IL1RAPL2: variants seen among roughly 807,000 people sequenced by gnomAD.
IL1RAPL2 encodes the protein X-linked interleukin-1 receptor accessory protein-like 2.
In IL1RAPL2, 3 loss-of-function variants were observed where a neutral mutation model predicts 44.1. That is an observed-to-expected ratio of 0.07 (90% CI 0.03 to 0.18). The LOEUF (loss-of-function observed/expected upper bound fraction) is 0.18. IL1RAPL2 is among the 10% of genes least tolerant of loss of function. IL1RAPL2 has a pLI of 1.00. For synonymous variants in IL1RAPL2, 181 were observed against 178.8 expected, an observed-to-expected ratio of 1.01 and a Z score of -0.10; for missense variants, 391 against 496.4, an observed-to-expected ratio of 0.79 and a Z score of 2.02.
chrX:105,085,121 G>T (rs1167220414), intron 2 of IL1RAPL2, among the ~76,000 whole-genome samples: 1 of 111,863 alleles, frequency 8.9e-6, no homozygotes, highest in Non-Finnish European at 1.9e-5. Context: ...TTACAGGCTT[G>T]GGCAGTATCT....
At chrX:105,632,320 A>G (rs894918325) in intron 6 of IL1RAPL2, among the ~76,000 whole-genome samples, 16 of 111,903 alleles carry the variant, frequency 1.4e-4, no homozygotes, top group African/African-American at 4.9e-4. Context: ...CTAGGCTTCC[A>G]TATGTTTCTG....
At chrX:105,663,189 T>G (rs899053272) in intron 6 of IL1RAPL2, among the ~76,000 whole-genome samples, 1 of 111,885 alleles carries the variant, frequency 8.9e-6, no homozygotes, top group Non-Finnish European at 1.9e-5. Context: ...ATGAATTGCT[T>G]AACCTAGAAA....
At chrX:105,161,861 G>A (rs1279377588) in intron 2 of IL1RAPL2, among the ~76,000 whole-genome samples, 4 of 111,907 alleles carry the variant, frequency 3.6e-5, no homozygotes, top group Admixed American at 9.5e-5. Flanking sequence ...TTTAGTTACT[G>A]GATGGCATAA....
At chrX:104,639,034 C>T (rs2148015390) in intron 1 of IL1RAPL2, among the ~76,000 whole-genome samples, 1 of 112,072 alleles carries the variant, frequency 8.9e-6, no homozygotes, top group South Asian at 3.7e-4. Flanking sequence ...TCTGGGTACC[C>T]CAATGTTAGG....
chrX:105,727,094 T>A (rs1190023193), intron 7 of IL1RAPL2, among the ~76,000 whole-genome samples: 1 of 111,247 alleles, frequency 9.0e-6, no homozygotes, highest in Non-Finnish European at 1.9e-5. Context: ...TCCTGGACAA[T>A]GATTACTCAT....
At chrX:105,238,981 T>C (rs1603027185) in intron 4 of IL1RAPL2, among the ~76,000 whole-genome samples, 1 of 111,653 alleles carries the variant, frequency 9.0e-6, no homozygotes, top group Admixed American at 9.6e-5. Flanking sequence ...ATTATGATTG[T>C]CAGGAGGATA....
chrX:105,556,840 TAGTC>T (rs1779398007), intron 6 of IL1RAPL2, among the ~76,000 whole-genome samples: 1 of 111,769 alleles, frequency 8.9e-6, no homozygotes, highest in Non-Finnish European at 1.9e-5. Flanking sequence ...TGAAATAATT[TAGTC>T]AGTAACTGAA....
chrX:105,098,622 T>A (rs982102789), intron 2 of IL1RAPL2, among the ~76,000 whole-genome samples: 2 of 112,358 alleles, frequency 1.8e-5, no homozygotes, highest in Non-Finnish European at 3.8e-5. Context: ...ATACTTTGTA[T>A]GAAAGGAGTG....
chrX:104,854,129 G>A (rs1922298961), intron 2 of IL1RAPL2, among the ~76,000 whole-genome samples: 1 of 111,375 alleles, frequency 9.0e-6, no homozygotes, highest in African/African-American at 3.3e-5. Context: ...TTTTAAAATG[G>A]ATTAATTGAC....
intron 6 of IL1RAPL2, among the ~76,000 whole-genome samples, chrX:105,532,973 C>T (rs1363750769): frequency 9.1e-6 from 1 of 110,381 alleles, no homozygotes; most frequent in Non-Finnish European, 1.9e-5. Context: ...GGGTGGATCA[C>T]GAGGTCAGGA....
intron 6 of IL1RAPL2, among the ~76,000 whole-genome samples, chrX:105,626,424 C>G (rs993111520): frequency 8.1e-5 from 9 of 110,802 alleles, no homozygotes; most frequent in Non-Finnish European, 1.5e-4. Context: ...CTGACACACC[C>G]AAAATTCCCT....
rs142016177 is a variant in IL1RAPL2, at chrX:104,987,875, C to T, written c.83-207600C>T. ...CCAGGCAAGAGGTATGGTAGCACAG[C>T]TCCCTCAAGTAAAGCATGTCTGATA... On this transcript the variant is annotated intron_variant, in intron 2 of 10. Transcript: ENST00000372582. Among the ~76,000 whole-genome samples the T allele has an allele frequency of 4.6e-4, 51 of 111,747 alleles. No homozygotes were observed. In the East Asian group the frequency reaches 0.012, roughly 26 times the overall value.
At chrX:105,032,476 C>T (rs767461387) in intron 2 of IL1RAPL2, among the ~76,000 whole-genome samples, 1 of 111,243 alleles carries the variant, frequency 9.0e-6, no homozygotes, top group Non-Finnish European at 1.9e-5. Flanking sequence ...GCCTTCATTT[C>T]GTTATTTCCC....
intron 5 of IL1RAPL2, among the ~76,000 whole-genome samples, chrX:105,325,950 T>C (rs1415177426): frequency 1.8e-5 from 2 of 111,866 alleles, no homozygotes; most frequent in Non-Finnish European, 3.8e-5. Context: ...ATTTGAGTTA[T>C]GACTTTTTAT....
chrX:104,968,668 T>C (rs1322833075), intron 2 of IL1RAPL2, among the ~76,000 whole-genome samples: 1 of 111,628 alleles, frequency 9.0e-6, no homozygotes, highest in African/African-American at 3.2e-5. Flanking sequence ...GAGTTAATGA[T>C]AGTTTAACAA....
chrX:104,761,920 T>G (rs868010734), intron 2 of IL1RAPL2, among the ~76,000 whole-genome samples: 1 of 33,900 alleles, frequency 2.9e-5, no homozygotes, highest in East Asian at 6.7e-4. Context: ...TCCTTCTCCT[T>G]CTCCTTCTTC....
intron 2 of IL1RAPL2, among the ~76,000 whole-genome samples, chrX:104,778,362 A>G (rs898533692): frequency 1.8e-5 from 2 of 110,897 alleles, no homozygotes; most frequent in Non-Finnish European, 3.8e-5. Flanking sequence ...TCTCTGATTC[A>G]TAAGAATTAT....
At chrX:105,032,363 T>C (rs1438477319) in intron 2 of IL1RAPL2, among the ~76,000 whole-genome samples, 1 of 108,550 alleles carries the variant, frequency 9.2e-6, no homozygotes, top group Non-Finnish European at 1.9e-5. Context: ...TGTGGGCATT[T>C]AGTGCTATAA....
intron 2 of IL1RAPL2, among the ~76,000 whole-genome samples, chrX:104,844,100 T>C (rs370695419): frequency 9.0e-6 from 1 of 110,954 alleles, no homozygotes; most frequent in African/African-American, 3.3e-5. Flanking sequence ...TGTTGCTGTT[T>C]TTTTTTTAAT....
Sources: gnomAD v4.1 joint callset for allele counts (sites outside exome capture counted in the v4.1 genomes callset) on GRCh38, gnomAD v4.1.1 for gene constraint, MANE v1.5 for transcripts, NCBI Gene and HGNC (gene_info 2026-07-23, HGNC 2026-07-21) for gene names.